SLC9A9: variants seen among roughly 807,000 people sequenced by gnomAD.
The protein encoded by SLC9A9 is sodium/hydrogen exchanger 9.
In SLC9A9, 62 loss-of-function variants were observed where a neutral mutation model predicts 77.8. The ratio of observed to expected loss-of-function variants is 0.80; its 90% CI spans 0.65 to 0.98. SLC9A9 has a LOEUF of 0.98. Ranked by LOEUF, SLC9A9 falls within the 50% of genes least tolerant of loss-of-function variation. The pLI is 0.00. For missense variants in SLC9A9, 775 were observed against 774.9 expected (o/e 1.00, Z 0.00); for synonymous variants, 320 against 283.5 (o/e 1.13, Z -1.29).
intron 4 of SLC9A9, among the ~76,000 whole-genome samples, chr3:143,704,853 A>G (rs1455264329): frequency 6.6e-6 from 1 of 152,058 alleles, no homozygotes; most frequent in Non-Finnish European, 1.5e-5. Context: ...TAAGCTGGAC[A>G]TTGTGGTACA....
intron 13 of SLC9A9, among the ~76,000 whole-genome samples, chr3:143,379,007 T>C (rs1413506675): frequency 6.6e-6 from 1 of 151,318 alleles, no homozygotes; most frequent in Non-Finnish European, 1.5e-5. Context: ...AAAGAAGAAA[T>C]TTAAAAACAT....
intron 9 of SLC9A9, among the ~76,000 whole-genome samples, chr3:143,541,744 TTA>T (rs928784878): frequency 2.0e-5 from 3 of 152,188 alleles, no homozygotes; most frequent in African/African-American, 7.2e-5. Context: ...GTTCAAAAGT[TTA>T]TAGTTTCCCT....
chr3:143,461,405 G>A (rs1004940436), intron 12 of SLC9A9, among the ~76,000 whole-genome samples: 1 of 152,122 alleles, frequency 6.6e-6, no homozygotes, highest in Admixed American at 6.6e-5. Flanking sequence ...GTTTATATGT[G>A]TATGTGCGTC....
At chr3:143,616,646 G>A (rs1490364814) in intron 6 of SLC9A9, among the ~76,000 whole-genome samples, 1 of 152,130 alleles carries the variant, frequency 6.6e-6, no homozygotes, top group Non-Finnish European at 1.5e-5. Flanking sequence ...TCGAGGTCTA[G>A]AAAGTGACAG....
chr3:143,824,297 AAAAACCAAAAAACC>A (rs944214201), intron 2 of SLC9A9, among the ~76,000 whole-genome samples: 3 of 152,104 alleles, frequency 2.0e-5, no homozygotes, highest in African/African-American at 7.2e-5. Flanking sequence ...GGCAGGAAAA[AAAAACCAAAAAACC>A]AAAAACAAAA....
intron 2 of SLC9A9, among the ~76,000 whole-genome samples, chr3:143,814,012 G>T (rs1023840384): frequency 2.0e-5 from 3 of 152,174 alleles, no homozygotes; most frequent in African/African-American, 4.8e-5. Context: ...AACAAGACCA[G>T]GAGACATCCA....
At chr3:143,707,252 T>G (rs1187386418) in intron 4 of SLC9A9, among the ~76,000 whole-genome samples, 3 of 152,032 alleles carry the variant, frequency 2.0e-5, no homozygotes, top group African/African-American at 7.2e-5. Context: ...TATTGGGAAT[T>G]TAAGAAGACT....
At chr3:143,511,020 C>G (rs986683702) in intron 9 of SLC9A9, among the ~76,000 whole-genome samples, 1 of 152,162 alleles carries the variant, frequency 6.6e-6, no homozygotes, top group Non-Finnish European at 1.5e-5. Flanking sequence ...TGAAAAGACA[C>G]GATTTCTTCA....
At chr3:143,484,326 AT>A (rs2035622110) in intron 11 of SLC9A9, among the ~76,000 whole-genome samples, 1 of 152,130 alleles carries the variant, frequency 6.6e-6, no homozygotes, top group Non-Finnish European at 1.5e-5. Context: ...TGTTTGATCT[AT>A]TTTGTTAACC....
rs148050239 is a variant in SLC9A9 at position 143,591,400 on chromosome 3, C to T, written c.756-12677G>A. Among the ~76,000 whole-genome samples, 5 of 152,310 alleles carry T rather than the reference C, an allele frequency of 3.3e-5. No homozygotes were observed. In the East Asian group the frequency reaches 9.6e-4, roughly 29 times the overall value. On this transcript the variant is annotated intron_variant, in intron 6 of 15. Transcript: ENST00000316549. ...TGTGTGAAGCATGGGAACTGCAGGC[C>T]AGCAAATCTTATCAAAGGAAGTTTT... is the stretch of plus-strand genomic sequence containing the variant.
At chr3:143,509,223 G>C (rs1475429442) in intron 9 of SLC9A9, among the ~76,000 whole-genome samples, 1 of 152,092 alleles carries the variant, frequency 6.6e-6, no homozygotes, top group Non-Finnish European at 1.5e-5. Flanking sequence ...AAAAATATAT[G>C]ACATTTGGAT....
intron 4 of SLC9A9, among the ~76,000 whole-genome samples, chr3:143,767,398 G>GTGTGTT (rs1488720747): frequency 1.3e-5 from 2 of 151,806 alleles, no homozygotes; most frequent in Non-Finnish European, 2.9e-5. Flanking sequence ...GTGTGTGTGT[G>GTGTGTT]TGTGTGTGTG....
At chr3:143,834,649 C>A (rs2009525154) in intron 1 of SLC9A9, among the ~76,000 whole-genome samples, 1 of 142,910 alleles carries the variant, frequency 7.0e-6, no homozygotes, top group African/African-American at 2.6e-5. Context: ...ACTATTAGTT[C>A]CCAAGCAGAG....
chr3:143,322,310 C>T (rs1295793216), intron 14 of SLC9A9, among the ~76,000 whole-genome samples: 2 of 152,148 alleles, frequency 1.3e-5, no homozygotes, highest in African/African-American at 2.4e-5. Flanking sequence ...CAGACTAGAA[C>T]TAAGAGACTG....
intron 4 of SLC9A9, among the ~76,000 whole-genome samples, chr3:143,786,106 C>T (rs1023814646): frequency 6.6e-6 from 1 of 151,874 alleles, no homozygotes. Flanking sequence ...CCGCCCGTCT[C>T]GGCCTCCCAA....
chr3:143,267,356 T>TTTC (rs1937756760), intron 15 of SLC9A9, among the ~76,000 whole-genome samples: 1 of 147,984 alleles, frequency 6.8e-6, no homozygotes, highest in African/African-American at 2.5e-5. Flanking sequence ...TTTTTTTTTT[T>TTTC]TTTTTTTTTT....
chr3:143,333,831 T>A (rs915398474), intron 14 of SLC9A9, among the ~76,000 whole-genome samples: 2 of 152,236 alleles, frequency 1.3e-5, no homozygotes, highest in African/African-American at 2.4e-5. Flanking sequence ...GCTTCTTTTT[T>A]ACTTATCATT....
chr3:143,611,494 AAAGAT>A (rs1467512654), intron 6 of SLC9A9, among the ~76,000 whole-genome samples: 3 of 152,232 alleles, frequency 2.0e-5, no homozygotes, highest in African/African-American at 2.4e-5. Context: ...AATATAAAAT[AAAGAT>A]AAGAGTCTAA....
chr3:143,309,051 T>A (rs1471512193), intron 14 of SLC9A9, among the ~76,000 whole-genome samples: 1 of 152,240 alleles, frequency 6.6e-6, no homozygotes, highest in East Asian at 1.9e-4. Flanking sequence ...GGTCTTCATG[T>A]TCTTTTCAAA....
Sources: allele counts gnomAD v4.1 joint callset (sites outside exome capture counted in the v4.1 genomes callset), GRCh38; gene constraint gnomAD v4.1.1; transcripts MANE v1.5; gene names NCBI Gene and HGNC (gene_info 2026-07-23, HGNC 2026-07-21).